OLFM3: variants seen among roughly 807,000 people sequenced by gnomAD.
OLFM3 encodes olfactomedin 3, also known as noelin-3.
Under a neutral mutation model 48.6 loss-of-function variants are expected in OLFM3, and 20 were observed. The observed-to-expected ratio is 0.41, with a 90% CI of 0.29 to 0.60. The LOEUF (loss-of-function observed/expected upper bound fraction) is 0.60, where lower values mean the gene tolerates loss of function less well. Ranked by LOEUF, OLFM3 falls within the 20% of genes least tolerant of loss-of-function variation. The pLI, the probability that OLFM3 is intolerant of heterozygous loss-of-function variation, is 0.28. For synonymous variants in OLFM3, 222 were observed against 198.1 expected, an observed-to-expected ratio of 1.12 and a Z score of -1.01; for missense variants, 437 against 544.3, an observed-to-expected ratio of 0.80 and a Z score of 1.96.
Position 101,838,305 on chromosome 1 carries a change from C to T in OLFM3, c.70-1280G>A, listed in dbSNP as rs537622397. Among the ~76,000 whole-genome samples the T allele has an allele frequency of 2.0e-4, 31 of 152,254 alleles. No homozygotes were observed. In the South Asian group the frequency reaches 4.8e-3, roughly 23 times the overall value. ...AATTCCTAGGCTCATGTGATCCAAC[C>T]GCCTCGGCCTCCCAAAGTGCCGGGA... On this transcript the variant is annotated intron_variant, in intron 1 of 5. Coordinates refer to ENST00000370103, the MANE Select transcript of OLFM3 (RefSeq NM_058170.4).
intron 1 of OLFM3, among the ~76,000 whole-genome samples, chr1:101,919,700 C>G (rs1315051942): frequency 6.6e-6 from 1 of 152,124 alleles, no homozygotes; most frequent in African/African-American, 2.4e-5. Context: ...GTGAGATTAT[C>G]TAGTCTTGGG....
intron 2 of OLFM3, among the ~76,000 whole-genome samples, chr1:101,832,776 G>A (rs1655225471): frequency 6.6e-6 from 1 of 152,116 alleles, no homozygotes; most frequent in Non-Finnish European, 1.5e-5. Flanking sequence ...CTCTGGTTAG[G>A]CAACAGCATT....
intron 4 of OLFM3, among the ~76,000 whole-genome samples, chr1:101,823,164 G>C (rs1456672288): frequency 1.3e-5 from 2 of 151,990 alleles, no homozygotes; most frequent in Non-Finnish European, 2.9e-5. Flanking sequence ...CATGTAGAGT[G>C]AACATGATAG....
intron 4 of OLFM3, among the ~76,000 whole-genome samples, chr1:101,818,563 C>G (rs576364730): frequency 6.6e-6 from 1 of 152,092 alleles, no homozygotes; most frequent in Non-Finnish European, 1.5e-5. Context: ...TGAGTCAAAT[C>G]TCCCACATCT....
intron 3 of OLFM3, among the ~76,000 whole-genome samples, chr1:101,829,836 C>A (rs1019156708): frequency 1.5e-5 from 2 of 135,896 alleles, no homozygotes; most frequent in African/African-American, 5.0e-5. Context: ...AGAGTTTTTT[C>A]TTTTCTTTTT....
intron 3 of OLFM3, among the ~76,000 whole-genome samples, chr1:101,828,062 CTCTG>C (rs1468618249): frequency 1.9e-3 from 230 of 121,862 alleles, no homozygotes; most frequent in African/African-American, 3.0e-3. Context: ...CTCTCTCTCT[CTCTG>C]TCTCTCTCTC....
At chr1:101,975,714 C>T in intron 1 of OLFM3, among the ~76,000 whole-genome samples, 1 of 152,080 alleles carries the variant, frequency 6.6e-6, no homozygotes, top group Non-Finnish European at 1.5e-5. Context: ...GCTATTTCCA[C>T]ACAGCTCAGA....
intron 1 of OLFM3, among the ~76,000 whole-genome samples, chr1:101,908,895 G>A (rs953567649): frequency 6.6e-6 from 1 of 152,174 alleles, no homozygotes; most frequent in African/African-American, 2.4e-5. Flanking sequence ...GGGTTTAGAG[G>A]CCATACTGTC....
chr1:101,821,620 A>G (rs1654610878), intron 4 of OLFM3, among the ~76,000 whole-genome samples: 1 of 152,056 alleles, frequency 6.6e-6, no homozygotes, highest in Non-Finnish European at 1.5e-5. Flanking sequence ...GTAAAAACTA[A>G]CCAGTTATTG....
intron 1 of OLFM3, among the ~76,000 whole-genome samples, chr1:101,899,932 T>C (rs1658336175): frequency 6.6e-6 from 1 of 152,214 alleles, no homozygotes; most frequent in South Asian, 2.1e-4. Flanking sequence ...GTTATTTCTT[T>C]GTTCTAATTT....
rs568497560 is a variant in OLFM3 at position 101,837,434 on chromosome 1, A to G, written c.70-409T>C. On this transcript the variant is annotated intron_variant, in intron 1 of 5. Transcript: ENST00000370103. ...TATTAATATATTATTTTCTAATTAT[A>G]ATTCATGTGTGATATTCTGAAACAA... is the stretch of plus-strand genomic sequence containing the variant. Among the ~76,000 whole-genome samples, 97 of 152,302 alleles carry G rather than the reference A, an allele frequency of 6.4e-4. 2 individuals carry two copies. The highest frequency in any genetic ancestry group is 2.3e-3 in the African/African-American group (94 of 41,576).
At chr1:101,945,135 A>G (rs1421149037) in intron 1 of OLFM3, among the ~76,000 whole-genome samples, 1 of 152,212 alleles carries the variant, frequency 6.6e-6, no homozygotes, top group Non-Finnish European at 1.5e-5. Flanking sequence ...TACATATACC[A>G]TATTAGATAG....
chr1:101,844,617 G>T (rs1388572096), intron 1 of OLFM3, among the ~76,000 whole-genome samples: 2 of 152,128 alleles, frequency 1.3e-5, no homozygotes, highest in Admixed American at 6.6e-5. Flanking sequence ...TCCAGCTAAA[G>T]TCTTGAGAGC....
At chr1:101,899,544 T>C (rs1658321452) in intron 1 of OLFM3, among the ~76,000 whole-genome samples, 1 of 152,178 alleles carries the variant, frequency 6.6e-6, no homozygotes, top group Non-Finnish European at 1.5e-5. Context: ...ATACAAGGAA[T>C]TTGGGAGATA....
chr1:101,972,533 G>C (rs527515444), intron 1 of OLFM3, among the ~76,000 whole-genome samples: 1 of 152,136 alleles, frequency 6.6e-6, no homozygotes, highest in African/African-American at 2.4e-5. Context: ...TTTTAAAAAT[G>C]ATTATATCTA....
At chr1:101,940,225 T>G (rs922613311) in intron 1 of OLFM3, among the ~76,000 whole-genome samples, 1 of 152,012 alleles carries the variant, frequency 6.6e-6, no homozygotes, top group African/African-American at 2.4e-5. Flanking sequence ...AAAAAACTGA[T>G]GAAAAAAAGT....
intron 1 of OLFM3, among the ~76,000 whole-genome samples, chr1:101,896,652 G>A (rs572150550): frequency 1.0e-4 from 15 of 145,314 alleles, no homozygotes; most frequent in African/African-American, 3.6e-4. Context: ...CGGCCACCAC[G>A]CCCGGCTGAT....
chr1:101,813,069 T>C, intron 4 of OLFM3: 3 of 1,278,698 alleles, frequency 2.3e-6, no homozygotes, highest in South Asian at 1.3e-5. Context: ...TCGCGTGTTA[T>C]AGCTTCCCAA....
intron 1 of OLFM3, among the ~76,000 whole-genome samples, chr1:101,915,206 A>G (rs1000654540): frequency 6.6e-6 from 1 of 152,116 alleles, no homozygotes; most frequent in Non-Finnish European, 1.5e-5. Context: ...TTCATGTATA[A>G]TTGGGCCATT....
Sources: gnomAD v4.1 joint callset for allele counts (sites outside exome capture counted in the v4.1 genomes callset) on GRCh38, gnomAD v4.1.1 for gene constraint, MANE v1.5 for transcripts, NCBI Gene and HGNC (gene_info 2026-07-23, HGNC 2026-07-21) for gene names.